SCO1: variants seen among roughly 807,000 people sequenced by gnomAD.
The protein encoded by SCO1 is cytochrome c oxidase assembly factor SCO1.
In SCO1, 23 loss-of-function variants were observed where a neutral mutation model predicts 34.0. The observed-to-expected ratio is 0.68, with a 90% CI of 0.49 to 0.96. The LOEUF (loss-of-function observed/expected upper bound fraction) is 0.96. Among genes scored for constraint, SCO1 ranks in the 40% least tolerant of loss-of-function variants. The pLI, the probability that SCO1 is intolerant of heterozygous loss-of-function variation, is 0.00. For missense variants in SCO1, 404 were observed against 381.6 expected, an observed-to-expected ratio of 1.06 and a Z score of -0.49; for synonymous variants, 161 against 145.5, an observed-to-expected ratio of 1.11 and a Z score of -0.77.
intron 4 of SCO1, among the ~76,000 whole-genome samples, chr17:10,690,832 C>T (rs910381390): frequency 2.8e-5 from 4 of 141,386 alleles, no homozygotes; most frequent in Non-Finnish European, 5.9e-5. Flanking sequence ...AGTATACATA[C>T]GTCATGGAAT....
Position 10,693,997 on chromosome 17 carries a change from C to T in SCO1, c.365-1036G>A, listed in dbSNP as rs148817915. On this transcript the variant is annotated intron_variant, in intron 2 of 5. Coordinates refer to ENST00000255390, the MANE Select transcript of SCO1 (RefSeq NM_004589.4). Reference sequence around the variant, plus strand: ...GTATGTCAATACAAATCATGAAACACCATTAATTACATGAGTAACTTTTCA... The same window carrying T: ...GTATGTCAATACAAATCATGAAACATCATTAATTACATGAGTAACTTTTCA... 5.0e-3 allele frequency among the ~76,000 whole-genome samples: 760 copies of T among 152,242 alleles called. 5 individuals are homozygous for T. The highest frequency in any genetic ancestry group is 7.7e-3 in the Non-Finnish European group (527 of 68,018).
At chr17:10,683,120 CCA>C (rs1259558402) in intron 5 of SCO1, among the ~76,000 whole-genome samples, 1 of 152,126 alleles carries the variant, frequency 6.6e-6, no homozygotes, top group Non-Finnish European at 1.5e-5. Context: ...CTCTTCACAC[CCA>C]GAGTGCCTCA....
At position 10,697,227 on chromosome 17, in the gene SCO1, G is replaced by A; in HGVS notation, c.273+8C>T. The A allele has an allele frequency of 1.3e-6, 2 of 1,545,160 alleles. No homozygotes were observed. The highest frequency in any genetic ancestry group is 2.4e-5 in the East Asian group (1 of 42,478). The stretch of plus-strand genomic sequence containing the variant: ...CGAGCACCAGAAGGGTTCCAGGTGT[G>A]CACTCACCCCGGGCTTCGAGGGGCG... On this transcript the variant is annotated splice_region_variant and intron_variant, in intron 1 of 5. Transcript: ENST00000255390.
At chr17:10,695,982 T>C (rs2074720680) in intron 1 of SCO1, 151 bp from the exon 2 acceptor site, 1 of 635,588 alleles carries the variant, frequency 1.6e-6, no homozygotes, top group African/African-American at 1.8e-5. Flanking sequence ...TGCTCAAAGT[T>C]TCTGTGGATG....
rs2074575020 is a variant in SCO1, at chr17:10,675,486, C to G, written c.*5633G>C. 1 of 152,146 alleles carries G rather than the reference C, an allele frequency of 6.6e-6. No individual in the cohort carries two copies. The highest frequency in any genetic ancestry group is 6.5e-5 in the Admixed American group (1 of 15,274). The allele number at this position is 152,146 out of a possible 1,614,324, so 9.4% of individuals were successfully genotyped here. On this transcript the variant is annotated 3_prime_UTR_variant, in exon 6 of 6. Transcript: ENST00000255390. ...TTCTTTTGGAGTTATAGGGTGCAAACAGTAAAAGGCATAAATCTTAAGTTC... is the reference window on the plus strand; with the variant it reads ...TTCTTTTGGAGTTATAGGGTGCAAAGAGTAAAAGGCATAAATCTTAAGTTC...
intron 2 of SCO1, among the ~76,000 whole-genome samples, chr17:10,693,745 C>A: frequency 6.6e-6 from 1 of 152,102 alleles, no homozygotes; most frequent in Non-Finnish European, 1.5e-5. Flanking sequence ...GAGGCTGGAA[C>A]CTCTTGTTGT....
Position 10,697,445 on chromosome 17 carries a change from G to A in SCO1, c.63C>T (p.Arg21=), listed in dbSNP as rs752365489. The change falls in exon 1 of 6, where the codon CGC becomes CGT. Residue 21 remains arginine, a synonymous_variant. Transcript: ENST00000255390. ...VMRPLGGQLW[R]FLPRGLEFWG... is the part of the protein sequence containing the mutation. ...AAAACTCGAGTCCGCGAGGCAAGAA[G>A]CGCCAAAGTTGGCCACCCAGAGGCC... 15 of 1,612,838 alleles carry A rather than the reference G, an allele frequency of 9.3e-6. No homozygotes were observed. In the Admixed American group the frequency reaches 2.0e-4, roughly 22 times the overall value.
At position 10,680,352 on chromosome 17, in the gene SCO1, AG is replaced by A. The variant is rs1185117539; in HGVS notation, c.*766del. On this transcript the variant is annotated 3_prime_UTR_variant, in exon 6 of 6. Transcript: ENST00000255390. ...CACGCTTGTCTGAACAGCAAAACTG[AG>A]TATGTTTACTTTACACAAAGTACAA... 2.0e-5 allele frequency: 3 copies of A among 152,604 alleles called. No individual in the cohort carries two copies. Among genetic ancestry groups the A allele is most frequent in the Non-Finnish European group, 4.4e-5 (3 of 68,376 alleles). 9.5% of individuals were successfully genotyped at this position (152,604 alleles called of 1,614,324 possible).
At position 10,681,170 on chromosome 17, in the gene SCO1, T is replaced by C; in HGVS notation, c.855A>G (p.Glu285=). The C allele has an allele frequency of 6.2e-7, 1 of 1,614,206 alleles. No individual in the cohort carries two copies. Among genetic ancestry groups the C allele is most frequent in the Non-Finnish European group, 8.5e-7 (1 of 1,180,040 alleles). The change falls in exon 6 of 6, where the codon GAA becomes GAG. Residue 285 remains glutamate, a synonymous_variant. Coordinates refer to ENST00000255390, the MANE Select transcript of SCO1 (RefSeq NM_004589.4). ...TGTGTGTGGCAATTGAAGCAGCTAT[T>C]TCTCCCTTCCTCTTGTTCTGGCCAA... ...DYFGQNKRKG[E]IAASIATHMR... is the part of the protein sequence containing the mutation.
At chr17:10,689,468 C>G (rs562688993) in intron 4 of SCO1, among the ~76,000 whole-genome samples, 36 of 152,204 alleles carry the variant, frequency 2.4e-4, no homozygotes, top group Non-Finnish European at 3.8e-4. Context: ...GTTATTAAAT[C>G]AATGTTACCA....
intron 5 of SCO1, 146 bp downstream of exon 5, chr17:10,686,581 C>CAAAAA (rs10712779): frequency 2.1e-6 from 1 of 482,488 alleles, no homozygotes; most frequent in Non-Finnish European, 3.7e-6. Flanking sequence ...GACTCCATCT[C>CAAAAA]AAAAAAAAAA....
At chr17:10,694,304 G>A (rs1036714663) in intron 2 of SCO1, among the ~76,000 whole-genome samples, 1 of 152,206 alleles carries the variant, frequency 6.6e-6, no homozygotes, top group Non-Finnish European at 1.5e-5. Flanking sequence ...GATGAAGGAG[G>A]CTAAGGTAAA....
intron 2 of SCO1, among the ~76,000 whole-genome samples, chr17:10,694,598 G>C (rs1378223466): frequency 6.6e-6 from 1 of 152,126 alleles, no homozygotes; most frequent in Admixed American, 6.6e-5. Flanking sequence ...AGCTAATGAC[G>C]CAACATGTCA....
chr17:10,675,959 T>C lies in SCO1; in HGVS notation c.*5160A>G, dbSNP rs2074577745. The C allele has an allele frequency of 2.0e-5, 3 of 152,174 alleles. No homozygotes were observed. Among genetic ancestry groups the C allele is most frequent in the Non-Finnish European group, 4.4e-5 (3 of 68,036 alleles). 9.4% of individuals were successfully genotyped at this position (152,174 alleles called of 1,614,324 possible). A position where few individuals can be genotyped will look rare whatever the true frequency, so the allele number is the denominator to read the frequency against. On this transcript the variant is annotated 3_prime_UTR_variant, in exon 6 of 6. Coordinates refer to ENST00000255390, the MANE Select transcript of SCO1 (RefSeq NM_004589.4). ...CACAACGAACTGCATCATAGCTCCT[T>C]GAAATCAAAGGACCAAATTATAAAC...
chr17:10,684,010 AC>A (rs2074638372), intron 5 of SCO1: 1 of 152,196 alleles, frequency 6.6e-6, no homozygotes, highest in African/African-American at 2.4e-5. Context: ...CTGAAGTCAT[AC>A]TAATGAAAAA....
At chr17:10,689,352 G>A (rs573764549) in intron 4 of SCO1, among the ~76,000 whole-genome samples, 1 of 152,120 alleles carries the variant, frequency 6.6e-6, no homozygotes, top group Non-Finnish European at 1.5e-5. Context: ...ACATACAGCA[G>A]ATCCTTCATA....
At position 10,692,858 on chromosome 17, in the gene SCO1, C is replaced by A; in HGVS notation, c.468G>T (p.Leu156Phe). ...TGERKTDKDY[L>F]GQWLLIYFGF... ...CAAAATAAATCAATAACCACTGACC[C>A]AAGTAGTCCTTGTCAGTTTTACGCT... The change falls in exon 3 of 6, where the codon TTG becomes TTT. Residue 156 changes from leucine (L) to phenylalanine (F), a missense_variant. Transcript: ENST00000255390. The A allele has an allele frequency of 1.2e-6, 2 of 1,614,004 alleles. No homozygotes were observed. Among genetic ancestry groups the A allele is most frequent in the Non-Finnish European group, 1.7e-6 (2 of 1,179,868 alleles).
chr17:10,679,526 A>G lies in SCO1; in HGVS notation c.*1593T>C, dbSNP rs1050055810. 2.0e-5 allele frequency: 3 copies of G among 152,228 alleles called. No homozygotes were observed. The highest frequency in any genetic ancestry group is 4.4e-5 in the Non-Finnish European group (3 of 68,044). The allele number at this position is 152,228 out of a possible 1,614,324, so 9.4% of individuals were successfully genotyped here. On this transcript the variant is annotated 3_prime_UTR_variant, in exon 6 of 6. Coordinates refer to ENST00000255390, the MANE Select transcript of SCO1 (RefSeq NM_004589.4). ...ATGTGCGTGTAGAAACATATCATGT[A>G]AAAAGAATCTGTTGTCTATCTAGGC...
Position 10,692,638 on chromosome 17 carries a change from C to T in SCO1, c.562+126G>A, listed in dbSNP as rs2520177. The T allele has an allele frequency of 1.7e-3, 1,334 of 790,562 alleles. 19 individuals are homozygous for T. In the African/African-American group the frequency reaches 0.021, roughly 12 times the overall value. The allele number at this position is 790,562 out of a possible 1,614,324, so 49.0% of individuals were successfully genotyped here. A position where few individuals can be genotyped will look rare whatever the true frequency, so the allele number is the denominator to read the frequency against. On this transcript the variant is annotated intron_variant, in intron 3 of 5. Transcript: ENST00000255390. ...TTCAAAGCAACAAACAAGCCAAATGCTGAGATTTTATGTTCTTACAAATCA... is the reference window on the plus strand; with the variant it reads ...TTCAAAGCAACAAACAAGCCAAATGTTGAGATTTTATGTTCTTACAAATCA...
Sources: gnomAD v4.1 joint callset for allele counts (sites outside exome capture counted in the v4.1 genomes callset) on GRCh38, gnomAD v4.1.1 for gene constraint, MANE v1.5 for transcripts, NCBI Gene and HGNC (gene_info 2026-07-23, HGNC 2026-07-21) for gene names.